CORO2B: variants seen among roughly 807,000 people sequenced by gnomAD.
CORO2B encodes coronin 2B, also known as coronin-2B.
CORO2B carries 26 observed loss-of-function variants against 58.8 expected under a neutral mutation model. That is an observed-to-expected ratio of 0.44 (90% CI 0.32 to 0.61). CORO2B has a LOEUF of 0.61. Among genes scored for constraint, CORO2B ranks in the 20% least tolerant of loss-of-function variants. CORO2B has a pLI of 0.04. For synonymous variants in CORO2B, 242 were observed against 253.8 expected, an observed-to-expected ratio of 0.95 and a Z score of 0.44; for missense variants, 460 against 645.1, an observed-to-expected ratio of 0.71 and a Z score of 3.11.
At chr15:68,585,505 C>T (rs562346252) in intron 1 of CORO2B, among the ~76,000 whole-genome samples, 2 of 152,298 alleles carry the variant, frequency 1.3e-5, no homozygotes, top group Non-Finnish European at 2.9e-5. Context: ...AGTAGGTGAA[C>T]GGCTCAAGGT....
chr15:68,579,365 G>A (rs2140551937), intron 1 of CORO2B, 88 bp downstream of exon 1: 2 of 1,175,858 alleles, frequency 1.7e-6, no homozygotes, highest in Admixed American at 4.6e-5. Flanking sequence ...GTGTGGGTGT[G>A]GGGAGGGGGC....
chr15:68,585,117 C>T (rs1457724433), intron 1 of CORO2B, among the ~76,000 whole-genome samples: 2 of 152,184 alleles, frequency 1.3e-5, no homozygotes, highest in African/African-American at 4.8e-5. Context: ...CCCAGGTTTG[C>T]TCAGGCTGTC....
intron 1 of CORO2B, among the ~76,000 whole-genome samples, chr15:68,593,011 C>G (rs750031751): frequency 1.3e-5 from 2 of 152,274 alleles, no homozygotes; most frequent in Middle Eastern, 3.4e-3. Flanking sequence ...GAGCATTGCA[C>G]CAGCATCTGG....
chr15:68,678,729 G>A (rs573274479), intron 2 of CORO2B, among the ~76,000 whole-genome samples: 1 of 152,320 alleles, frequency 6.6e-6, no homozygotes, highest in African/African-American at 2.4e-5. Flanking sequence ...GGATCAGCAG[G>A]TGGCATAGCC....
chr15:68,533,829 C>T, the CORO2B span, among the ~76,000 whole-genome samples: 1 of 152,126 alleles, frequency 6.6e-6, no homozygotes, highest in Admixed American at 6.5e-5. Flanking sequence ...TACAAGATCC[C>T]AGAGAAGGTA....
chr15:68,592,332 G>T (rs1899727946), intron 1 of CORO2B, among the ~76,000 whole-genome samples: 1 of 152,074 alleles, frequency 6.6e-6, no homozygotes, highest in Non-Finnish European at 1.5e-5. Context: ...ATGTCTCTTG[G>T]ATATACCCCA....
the CORO2B span, among the ~76,000 whole-genome samples, chr15:68,569,783 A>G: frequency 4.6e-5 from 7 of 152,192 alleles, no homozygotes; most frequent in Non-Finnish European, 5.9e-5. Flanking sequence ...GTGGCTCCAC[A>G]TCTTCCCCAG....
At chr15:68,535,879 T>C in the CORO2B span, among the ~76,000 whole-genome samples, 1 of 152,226 alleles carries the variant, frequency 6.6e-6, no homozygotes, top group Admixed American at 6.5e-5. Context: ...TGTGTGTTTC[T>C]AGATACAATG....
At chr15:68,580,606 C>T (rs1218485581) in intron 1 of CORO2B, among the ~76,000 whole-genome samples, 1 of 152,160 alleles carries the variant, frequency 6.6e-6, no homozygotes, top group Non-Finnish European at 1.5e-5. Context: ...CAGGGGCTTC[C>T]TCAGCTCTGG....
intron 6 of CORO2B, 139 bp from the exon 7 acceptor site, chr15:68,714,420 C>T: frequency 1.5e-6 from 1 of 686,204 alleles, no homozygotes; most frequent in Non-Finnish European, 2.6e-6. Flanking sequence ...GTCTTGCCAC[C>T]ACCCATAGGA....
chr15:68,644,456 C>T (rs1481680338), intron 1 of CORO2B, among the ~76,000 whole-genome samples: 4 of 152,184 alleles, frequency 2.6e-5, no homozygotes, highest in African/African-American at 9.7e-5. Context: ...GCTGAGAAAC[C>T]TTGCTCCAAA....
chr15:68,555,198 C>T, the CORO2B span, among the ~76,000 whole-genome samples: 4 of 152,188 alleles, frequency 2.6e-5, no homozygotes, highest in Non-Finnish European at 5.9e-5. Flanking sequence ...ACCTCCTGCC[C>T]AGGTGACTGG....
chr15:68,616,462 AG>A, intron 1 of CORO2B: 1 of 805,046 alleles, frequency 1.2e-6, no homozygotes, highest in Non-Finnish European at 1.5e-6. Flanking sequence ...GCCCCCACCA[AG>A]GTCTCTTGCT....
chr15:68,632,996 C>G (rs1490022263), intron 1 of CORO2B, among the ~76,000 whole-genome samples: 3 of 152,216 alleles, frequency 2.0e-5, no homozygotes, highest in African/African-American at 7.2e-5. Context: ...CTTTACATTC[C>G]TCTCTGACCT....
the CORO2B span, among the ~76,000 whole-genome samples, chr15:68,529,002 G>A: frequency 1.3e-5 from 2 of 152,142 alleles, no homozygotes; most frequent in Admixed American, 1.3e-4. Context: ...GGTGGAAACG[G>A]TGCAGACTAA....
intron 3 of CORO2B, among the ~76,000 whole-genome samples, chr15:68,702,768 C>A (rs2140319758): frequency 6.6e-6 from 1 of 150,664 alleles, no homozygotes; most frequent in East Asian, 1.9e-4. Context: ...CTGTATACAG[C>A]TAAATTGGAG....
At chr15:68,664,670 A>C (rs763650638) in intron 2 of CORO2B, among the ~76,000 whole-genome samples, 6 of 152,112 alleles carry the variant, frequency 3.9e-5, no homozygotes, top group South Asian at 2.1e-4. Context: ...AAACCAAAAA[A>C]CAAAAAAACC....
chr15:68,552,060 C>T, the CORO2B span, among the ~76,000 whole-genome samples: 1 of 152,072 alleles, frequency 6.6e-6, no homozygotes, highest in Non-Finnish European at 1.5e-5. Context: ...TCATCAGCAT[C>T]CCCAAAGTGT....
At chr15:68,660,562 G>A (rs1566999187) in intron 2 of CORO2B, among the ~76,000 whole-genome samples, 1 of 151,910 alleles carries the variant, frequency 6.6e-6, no homozygotes. Context: ...GTAGAGATGG[G>A]GTTTCACCAT....
Sources: gnomAD v4.1 joint callset for allele counts (sites outside exome capture counted in the v4.1 genomes callset) on GRCh38, gnomAD v4.1.1 for gene constraint, MANE v1.5 for transcripts, NCBI Gene and HGNC (gene_info 2026-07-23, HGNC 2026-07-21) for gene names.